RBPJL: variants seen among roughly 807,000 people sequenced by gnomAD.
The protein encoded by RBPJL is recombining binding protein suppressor of hairless-like protein.
In RBPJL, 50 loss-of-function variants were observed where a neutral mutation model predicts 57.6. The ratio of observed to expected loss-of-function variants is 0.87; its 90% CI spans 0.69 to 1.10. The LOEUF is 1.10. Ranked by LOEUF, RBPJL falls within the 50% of genes least tolerant of loss-of-function variation. The pLI is 0.00. For missense variants in RBPJL, 684 were observed against 693.7 expected (o/e 0.99, Z 0.16); for synonymous variants, 303 against 294.4 (o/e 1.03, Z -0.30).
Position 45,312,265 on chromosome 20 carries a change from G to A in RBPJL, c.489G>A (p.Lys163=), listed in dbSNP as rs746320091. ...AKTLYISDAD[K]RKHFRLVLRL... Reference sequence around the variant, plus strand: ...CCCTGTACATCTCAGATGCAGACAAGAGGAAGCACTTTCGGCTGGTGCTGC... The same window carrying A: ...CCCTGTACATCTCAGATGCAGACAAAAGGAAGCACTTTCGGCTGGTGCTGC... Residue 163 remains lysine, a synonymous_variant, in exon 6 of 12, where the codon AAG becomes AAA. Transcript: ENST00000343694. 1.9e-6 allele frequency: 3 copies of A among 1,614,270 alleles called. No homozygotes were observed. Among genetic ancestry groups the A allele is most frequent in the Admixed American group, 1.7e-5 (1 of 60,038 alleles).
chr20:45,316,983 C>A lies in RBPJL; in HGVS notation c.*24C>A. 6.2e-7 allele frequency: 1 copy of A among 1,602,616 alleles called. No homozygotes were observed. The highest frequency in any genetic ancestry group is 8.5e-7 in the Non-Finnish European group (1 of 1,172,598). ...AGGCGCGCCCGGTAGCCCCGGCTGC[C>A]CACCCTGGAGGGCTGCGCCCGCGCC... On this transcript the variant is annotated 3_prime_UTR_variant, in exon 12 of 12. Transcript: ENST00000343694.
chr20:45,312,543 T>A, intron 6 of RBPJL, 148 bp downstream of exon 6: 1 of 764,332 alleles, frequency 1.3e-6, no homozygotes, highest in Admixed American at 2.8e-5. Flanking sequence ...GGAAGGAGTC[T>A]GGATGAGTGG....
At position 45,314,169 on chromosome 20, in the gene RBPJL, G is replaced by A. The variant is rs755743874; in HGVS notation, c.867+25G>A. ...GGTATAGGAAGGGAGGGCATGCCTG[G>A]AGGGGTCCCCTCAGATCCATGCAGA... On this transcript the variant is annotated intron_variant, in intron 8 of 11. Coordinates refer to ENST00000343694, the MANE Select transcript of RBPJL (RefSeq NM_014276.4). 47 of 1,585,686 alleles carry A rather than the reference G, an allele frequency of 3.0e-5. No homozygotes were observed. The East Asian group carries it at 1.0e-3, about 35-fold the overall frequency.
At chr20:45,311,447 G>T (rs1600715196) in intron 3 of RBPJL, 142 bp from the exon 4 acceptor site, 2 of 707,476 alleles carry the variant, frequency 2.8e-6, no homozygotes, top group East Asian at 2.7e-5. Context: ...CTATGAATGG[G>T]GTTTACAGTC....
At chr20:45,310,605 CA>C (rs111414301) in intron 3 of RBPJL, among the ~76,000 whole-genome samples, 129 of 136,766 alleles carry the variant, frequency 9.4e-4, no homozygotes, top group East Asian at 7.3e-3. Context: ...GACTCAGTCT[CA>C]AAAAAAAAAA....
Position 45,314,030 on chromosome 20 carries a change from C to G in RBPJL, c.758-5C>G. ...ACCTTGTCCCTTGCTTTTTTTGTCC[C>G]CCAGCTGATGGGCACTCTGCCCAAG... On this transcript the variant is annotated splice_region_variant and splice_polypyrimidine_tract_variant and intron_variant, in intron 7 of 11. Transcript: ENST00000343694. 6.2e-7 allele frequency: 1 copy of G among 1,609,230 alleles called. No individual in the cohort carries two copies. Among genetic ancestry groups the G allele is most frequent in the South Asian group, 1.1e-5 (1 of 90,856 alleles).
At chr20:45,314,907 A>C (rs1049104841) in intron 9 of RBPJL, among the ~76,000 whole-genome samples, 2 of 152,170 alleles carry the variant, frequency 1.3e-5, no homozygotes, top group Admixed American at 1.3e-4. Flanking sequence ...ACATGGTGAA[A>C]TCCCATCTCT....
rs538509270 is a variant in RBPJL at position 45,310,216 on chromosome 20, G to T, written c.257+524G>T. Reference sequence around the variant, plus strand: ...GACATTAGCTAGAAAGGTCAAGGAGGTTGAGAGACCTTTTGGGAGGTAACA... The same window carrying T: ...GACATTAGCTAGAAAGGTCAAGGAGTTTGAGAGACCTTTTGGGAGGTAACA... On this transcript the variant is annotated intron_variant, in intron 3 of 11. Coordinates refer to ENST00000343694, the MANE Select transcript of RBPJL (RefSeq NM_014276.4). Among the ~76,000 whole-genome samples, 12 of 152,334 alleles carry T rather than the reference G, an allele frequency of 7.9e-5. No homozygotes were observed. The South Asian group carries it at 2.5e-3, about 32-fold the overall frequency.
intron 2 of RBPJL, among the ~76,000 whole-genome samples, chr20:45,308,742 G>A (rs1400034330): frequency 1.3e-5 from 2 of 151,928 alleles, no homozygotes; most frequent in Non-Finnish European, 2.9e-5. Flanking sequence ...CTCTCCTTGG[G>A]CCTCAACCTG....
At chr20:45,316,114 G>T in intron 9 of RBPJL, 73 bp from the exon 10 acceptor site, 1 of 1,490,056 alleles carries the variant, frequency 6.7e-7, no homozygotes. Context: ...AGAAGCCCAC[G>T]CGCCATGCTG....
intron 6 of RBPJL, among the ~76,000 whole-genome samples, chr20:45,312,930 C>T (rs930728717): frequency 1.3e-5 from 2 of 151,388 alleles, no homozygotes; most frequent in Admixed American, 1.3e-4. Context: ...ATCACTTGAA[C>T]CCAAGAGGTC....
rs139344138 is a variant in RBPJL, at chr20:45,313,285, C to T, written c.620-183C>T. On this transcript the variant is annotated intron_variant, in intron 6 of 11. Transcript: ENST00000343694. ...CCCTCACCCTGACCCCCTCCCTCAC[C>T]CTAACCCTCACCCTAATCCTAATCC... is the stretch of plus-strand genomic sequence containing the variant. Among the ~76,000 whole-genome samples, 47 of 151,938 alleles carry T rather than the reference C, an allele frequency of 3.1e-4. 1 individual carries two copies. The East Asian group carries it at 8.3e-3, about 27-fold the overall frequency.
intron 8 of RBPJL, 101 bp from the exon 9 acceptor site, chr20:45,314,312 T>C: frequency 1.4e-6 from 2 of 1,391,508 alleles, no homozygotes; most frequent in Non-Finnish European, 2.0e-6. Flanking sequence ...AATCTGCTAG[T>C]GCCTGTGTGG....
Position 45,311,603 on chromosome 20 carries a change from C to A in RBPJL, c.272C>A (p.Pro91Gln). Residue 91 changes from proline (P) to glutamine (Q), a missense_variant, in exon 4 of 12, where the codon CCG (proline) becomes CAG (glutamine). Pro to Gln is a moderately conservative substitution (Grantham distance 76). Coordinates refer to ENST00000343694, the MANE Select transcript of RBPJL (RefSeq NM_014276.4). ...TATCTCCGCAGGTTCTTCTGCCCCC[C>A]GCCCTGTGTCTACCTCTCGGGGCCT... Reference protein sequence around the residue: ...YGNEKRFFCPPPCVYLSGPGW... With the variant: ...YGNEKRFFCPQPCVYLSGPGW... 6.2e-7 allele frequency: 1 copy of A among 1,614,200 alleles called. No homozygotes were observed.
Position 45,316,321 on chromosome 20 carries a change from G to A in RBPJL, c.1155G>A (p.Val385=), listed in dbSNP as rs147406827. The A allele has an allele frequency of 2.8e-4, 453 of 1,614,030 alleles. 1 individual carries two copies. The highest frequency in any genetic ancestry group is 3.5e-4 in the Non-Finnish European group (416 of 1,179,988). ...LACTLEPVTP[V]PLISTLELSG... ...GTACCCTGGAGCCGGTCACTCCGGT[G>A]CCTCTCATCAGCACCCTAGAGGTGA... The change falls in exon 10 of 12, where the codon GTG becomes GTA. Residue 385 remains valine, a synonymous_variant. Transcript: ENST00000343694.
intron 3 of RBPJL, 54 bp from the exon 4 acceptor site, chr20:45,311,535 A>AAGT: frequency 6.4e-7 from 1 of 1,564,788 alleles, no homozygotes; most frequent in Non-Finnish European, 8.8e-7. Context: ...CCGTGCTTAC[A>AAGT]GGAGAGCCAA....
chr20:45,314,315 C>A (rs1032395958), intron 8 of RBPJL, 98 bp from the exon 9 acceptor site: 1 of 1,400,848 alleles, frequency 7.1e-7, no homozygotes, highest in Non-Finnish European at 1.0e-6. Context: ...CTGCTAGTGC[C>A]TGTGTGGCTA....
In RBPJL at chr20:45,311,890, ACAGCGCGTCCGG is replaced by A. The variant is rs142744285; in HGVS notation, c.387_398del (p.Ser130_Ala133del). 5,943 of 1,551,524 alleles carry A rather than the reference ACAGCGCGTCCGG, an allele frequency of 3.8e-3. 80 individuals carry two copies. In the African/African-American group the frequency reaches 0.043, roughly 11 times the overall value. ...ACGGTCTGCGGTTACATGGGACTGGACAGCGCGTCCGGCAGCGCCACTGAGACGCAGAAGCTG... is the reference window on the plus strand; with the variant it reads ...ACGGTCTGCGGTTACATGGGACTGGACAGCGCCACTGAGACGCAGAAGCTG... On this transcript the variant is annotated inframe_deletion, in exon 5 of 12. Transcript: ENST00000343694.
rs758690415 is a variant in RBPJL at position 45,317,010 on chromosome 20, G to A, written c.*51G>A. ...ACCCTGGAGGGCTGCGCCCGCGCCA[G>A]GCGCGGGGACGTGTTTCTGGGTTCT... On this transcript the variant is annotated 3_prime_UTR_variant, in exon 12 of 12. Coordinates refer to ENST00000343694, the MANE Select transcript of RBPJL (RefSeq NM_014276.4). 4.5e-6 allele frequency: 7 copies of A among 1,563,176 alleles called. No individual in the cohort carries two copies. The highest frequency in any genetic ancestry group is 6.1e-6 in the Non-Finnish European group (7 of 1,154,764).
Sources: allele counts gnomAD v4.1 joint callset (sites outside exome capture counted in the v4.1 genomes callset), GRCh38; gene constraint gnomAD v4.1.1; transcripts MANE v1.5; gene names NCBI Gene and HGNC (gene_info 2026-07-23, HGNC 2026-07-21).